Variants in CLNK observed in about 807,000 individuals in gnomAD.
CLNK encodes the protein cytokine-dependent hematopoietic cell linker.
Under a neutral mutation model 68.6 loss-of-function variants are expected in CLNK, and 74 were observed. That is an observed-to-expected ratio of 1.08 (90% CI 0.89 to 1.31). The LOEUF (loss-of-function observed/expected upper bound fraction) is 1.31. Ranked by LOEUF, CLNK falls within the 50% of genes most tolerant of loss-of-function variation. The probability of loss-of-function intolerance (pLI) is 0.00; values close to 1 mark genes in which losing one functional copy is unlikely to be tolerated. For synonymous variants in CLNK, 198 were observed against 172.2 expected (o/e 1.15, Z -1.17); for missense variants, 553 against 515.3 (o/e 1.07, Z -0.71).
At chr4:10,532,161 T>C (rs531841217) in intron 12 of CLNK, 95 bp downstream of exon 12, 1 of 879,546 alleles carries the variant, frequency 1.1e-6, no homozygotes, top group Admixed American at 1.9e-5. Flanking sequence ...GAGAACTAAG[T>C]GTAAGTATCT....
At chr4:10,551,600 G>T (rs1268568296) in intron 8 of CLNK, among the ~76,000 whole-genome samples, 1 of 151,932 alleles carries the variant, frequency 6.6e-6, no homozygotes, top group Non-Finnish European at 1.5e-5. Context: ...ATACAATCAT[G>T]CAATAACACT....
rs573212484 is a variant in CLNK at position 10,517,332 on chromosome 4, T to C, written c.772+3459A>G. On this transcript the variant is annotated intron_variant, in intron 15 of 18. Transcript: ENST00000226951. Reference sequence around the variant, plus strand: ...AGTAGGACAAATAGGAGGCACAACATAATATAAAAACAGACCCCAAAATAT... The same window carrying C: ...AGTAGGACAAATAGGAGGCACAACACAATATAAAAACAGACCCCAAAATAT... The C allele has an allele frequency of 2.6e-5, 4 of 152,098 alleles. No homozygotes were observed. In the South Asian group the frequency reaches 8.3e-4, roughly 32 times the overall value. 9.4% of individuals were successfully genotyped at this position (152,098 alleles called of 1,614,324 possible).
At chr4:10,637,442 T>G (rs1723133719) in intron 2 of CLNK, among the ~76,000 whole-genome samples, 1 of 150,832 alleles carries the variant, frequency 6.6e-6, no homozygotes, top group Non-Finnish European at 1.5e-5. Flanking sequence ...AAAAAAGTTT[T>G]TTTTTTTTTT....
chr4:10,554,027 C>T (rs1333005304), intron 8 of CLNK, among the ~76,000 whole-genome samples: 1 of 152,160 alleles, frequency 6.6e-6, no homozygotes, highest in Non-Finnish European at 1.5e-5. Flanking sequence ...GGGGCTGGAT[C>T]GTGGAGATTC....
chr4:10,591,814 CA>C (rs1721188863), intron 3 of CLNK, among the ~76,000 whole-genome samples: 4 of 152,236 alleles, frequency 2.6e-5, no homozygotes, highest in Admixed American at 2.6e-4. Context: ...GGCCAAGGCT[CA>C]TTTTAAATAA....
intron 18 of CLNK, 80 bp from the exon 19 acceptor site, chr4:10,490,693 T>C: frequency 1.7e-6 from 2 of 1,160,106 alleles, no homozygotes; most frequent in Non-Finnish European, 2.5e-6. Context: ...AGGTGCTTCA[T>C]TTTGCATGGG....
chr4:10,520,375 C>G (rs754302317), intron 15 of CLNK, among the ~76,000 whole-genome samples: 2 of 152,076 alleles, frequency 1.3e-5, no homozygotes, highest in Non-Finnish European at 2.9e-5. Flanking sequence ...AAAAGTTTGT[C>G]AAAAACAACT....
At position 10,490,591 on chromosome 4, in the gene CLNK, A is replaced by C. The variant is rs1371821009; in HGVS notation, c.1163T>G (p.Ile388Ser). Residue 388 changes from isoleucine (I) to serine (S), a missense_variant, in exon 19 of 19, where the codon ATC becomes AGC. Physicochemically the swap from Ile to Ser is moderately radical, Grantham distance 142. Transcript: ENST00000226951. ...GDEKFDSVED[I>S]IEHYKNFPII... ...GGGAAAATTCTTGTAGTGTTCGATG[A>C]TGTCTTCTACTGAATCAAACTTCTG... 6.3e-7 allele frequency: 1 copy of C among 1,576,552 alleles called. No individual in the cohort carries two copies. Among genetic ancestry groups the C allele is most frequent in the Non-Finnish European group, 8.6e-7 (1 of 1,159,906 alleles).
At chr4:10,656,097 T>C (rs929690149) in intron 2 of CLNK, among the ~76,000 whole-genome samples, 11 of 152,234 alleles carry the variant, frequency 7.2e-5, no homozygotes, top group Admixed American at 3.3e-4. Flanking sequence ...AAGGCAGATT[T>C]TGTGATGTTT....
chr4:10,687,855 G>C (rs28736361), upstream of CLNK, among the ~76,000 whole-genome samples: 1 of 152,086 alleles, frequency 6.6e-6, no homozygotes, highest in Non-Finnish European at 1.5e-5. Flanking sequence ...ACGAGTTCTT[G>C]CCTCTTATCC....
intron 10 of CLNK, among the ~76,000 whole-genome samples, chr4:10,540,942 T>C (rs1348507793): frequency 6.6e-6 from 1 of 152,024 alleles, no homozygotes; most frequent in East Asian, 1.9e-4. Flanking sequence ...TGGCCAGGCA[T>C]GGTGGCTCAC....
chr4:10,658,901 A>C (rs1724085338), intron 2 of CLNK, among the ~76,000 whole-genome samples: 1 of 152,176 alleles, frequency 6.6e-6, no homozygotes, highest in Non-Finnish European at 1.5e-5. Flanking sequence ...CCATCTTTGG[A>C]AAGTATTAGA....
chr4:10,678,343 C>T (rs1724954410), intron 1 of CLNK, among the ~76,000 whole-genome samples: 1 of 152,136 alleles, frequency 6.6e-6, no homozygotes, highest in Non-Finnish European at 1.5e-5. Flanking sequence ...GTATAAACCG[C>T]TATGCAAGAA....
chr4:10,562,712 G>A (rs1719948549), intron 7 of CLNK, among the ~76,000 whole-genome samples: 2 of 152,154 alleles, frequency 1.3e-5, no homozygotes, highest in East Asian at 3.9e-4. Context: ...TCACAAGAAT[G>A]TTTTAAGGAT....
chr4:10,683,413 G>C (rs1725161304), intron 1 of CLNK, among the ~76,000 whole-genome samples: 1 of 152,184 alleles, frequency 6.6e-6, no homozygotes. Flanking sequence ...TAGATGGTTG[G>C]TGTCAGAGAC....
intron 1 of CLNK, among the ~76,000 whole-genome samples, chr4:10,680,255 G>A (rs949395893): frequency 6.6e-6 from 1 of 151,556 alleles, no homozygotes; most frequent in Non-Finnish European, 1.5e-5. Flanking sequence ...TTCTCAGCAA[G>A]CTATCGCAAG....
At chr4:10,722,837 G>T in the CLNK span, among the ~76,000 whole-genome samples, 3 of 152,258 alleles carry the variant, frequency 2.0e-5, no homozygotes, top group Admixed American at 2.0e-4. Context: ...ATCACCTAAG[G>T]TCAGGAGTTC....
Position 10,527,370 on chromosome 4 carries a change from A to G in CLNK, c.649+706T>C, listed in dbSNP as rs146099904. On this transcript the variant is annotated intron_variant, in intron 13 of 18. Transcript: ENST00000226951. Reference sequence around the variant, plus strand: ...GTTTAGCTTTGTCAATATGCAGAGAAGAGCAGACCTGAGCCTCACAAATGA... The same window carrying G: ...GTTTAGCTTTGTCAATATGCAGAGAGGAGCAGACCTGAGCCTCACAAATGA... 1.7e-3 allele frequency among the ~76,000 whole-genome samples: 261 copies of G among 152,352 alleles called. 4 individuals carry two copies. The highest frequency in any genetic ancestry group is 6.4e-3 in the Admixed American group (98 of 15,302).
rs919013461 is a variant in CLNK, at chr4:10,558,305, T to C, written c.445+102A>G. The C allele has an allele frequency of 1.1e-5, 10 of 927,214 alleles. No homozygotes were observed. In the African/African-American group the frequency reaches 1.6e-4, roughly 15 times the overall value. The allele number at this position is 927,214 out of a possible 1,614,324, so 57.4% of individuals were successfully genotyped here. A position where few individuals can be genotyped will look rare whatever the true frequency, so the allele number is the denominator to read the frequency against. Reference sequence around the variant, plus strand: ...AAGTGTAATTCAATAGATCACCTTGTGTAAGATCACCCATGACCACAAACA... The same window carrying C: ...AAGTGTAATTCAATAGATCACCTTGCGTAAGATCACCCATGACCACAAACA... On this transcript the variant is annotated intron_variant, in intron 8 of 18. Transcript: ENST00000226951.
Sources: gnomAD v4.1 joint callset for allele counts (sites outside exome capture counted in the v4.1 genomes callset) on GRCh38, gnomAD v4.1.1 for gene constraint, MANE v1.5 for transcripts, NCBI Gene and HGNC (gene_info 2026-07-23, HGNC 2026-07-21) for gene names.